The following HYDIN variants were observed in gnomAD, a reference collection of about 807,000 sequenced individuals.
The protein encoded by HYDIN is axonemal central pair apparatus protein HYDIN.
Under a neutral mutation model 403.9 loss-of-function variants are expected in HYDIN, and 132 were observed. The observed-to-expected ratio is 0.33, with a 90% CI of 0.28 to 0.38. The LOEUF is 0.38. Among genes scored for constraint, HYDIN ranks in the 10% least tolerant of loss-of-function variants. The pLI is 1.00. For missense variants in HYDIN, 2,827 were observed against 5,009.5 expected (o/e 0.56, Z 13.15); for synonymous variants, 1,202 against 1,891.7 (o/e 0.64, Z 9.46).
intron 10 of HYDIN, among the ~76,000 whole-genome samples, chr16:71,104,411 TAAAGG>T (rs2083552346): frequency 9.3e-6 from 1 of 107,932 alleles, no homozygotes; most frequent in South Asian, 3.5e-4. Flanking sequence ...AGGTTCAAAA[TAAAGG>T]AAAGAAAATA....
chr16:71,172,712 T>C (rs1223472881), intron 5 of HYDIN, among the ~76,000 whole-genome samples: 1 of 152,122 alleles, frequency 6.6e-6, no homozygotes, highest in East Asian at 1.9e-4. Flanking sequence ...GAAAATCCAA[T>C]TGAAAGAGGG....
intron 83 of HYDIN, among the ~76,000 whole-genome samples, chr16:70,824,767 C>T (rs1261658370): frequency 2.0e-5 from 3 of 151,828 alleles, no homozygotes; most frequent in Non-Finnish European, 4.4e-5. Context: ...GGCTCACTTA[C>T]TTATTTTTTA....
In HYDIN at chr16:70,907,474, C is replaced by T. The variant is rs200593817; in HGVS notation, c.8414G>A (p.Arg2805Gln). Residue 2805 changes from arginine to glutamine, a missense_variant, in exon 50 of 86, where the codon CGG (arginine) becomes CAG (glutamine). Arg to Gln is a conservative substitution (Grantham distance 43). Transcript: ENST00000393567. ...CTCATTTGTCTTCATGTCCATCTTC[C>T]GCTGAGGAAATACCACTCTGAACAC... ...CQDPKVVFPQ[R>Q]KMDMKTNEVI... 62 of 586,006 alleles carry T rather than the reference C, an allele frequency of 1.1e-4. No homozygotes were observed. The Admixed American group carries it at 1.2e-3, about 11-fold the overall frequency. The allele number at this position is 586,006 out of a possible 1,614,324, so 36.3% of individuals were successfully genotyped here.
Position 70,918,363 on chromosome 16 carries a change from C to T in HYDIN, c.7852G>A (p.Val2618Ile), listed in dbSNP as rs199902409. 4.4e-4 allele frequency: 343 copies of T among 779,286 alleles called. 2 individuals are homozygous for T. The highest frequency in any genetic ancestry group is 3.8e-4 in the Middle Eastern group (1 of 2,610). 48.3% of individuals were successfully genotyped at this position (779,286 alleles called of 1,614,324 possible). A position where few individuals can be genotyped will look rare whatever the true frequency, so the allele number is the denominator to read the frequency against. ...PIPPPALFSI[V>I]SYPVKRPPLT... ...GGTGGCCGCTTCACCGGGTAGGAGA[C>T]GATTGAGAATAAGGCGGGAGGCGGG... The change falls in exon 47 of 86, where the codon GTC (valine) becomes ATC (isoleucine). Residue 2618 changes from valine (V) to isoleucine (I), a missense_variant. Coordinates refer to ENST00000393567, the MANE Select transcript of HYDIN (RefSeq NM_001270974.2).
intron 18 of HYDIN, among the ~76,000 whole-genome samples, chr16:71,050,070 TG>T (rs1216551544): frequency 4.7e-5 from 7 of 148,152 alleles, no homozygotes; most frequent in African/African-American, 1.7e-4. Context: ...GTTTTCTTAA[TG>T]AAGGTAACAG....
At chr16:71,077,517 T>C (rs2082655395) in intron 13 of HYDIN, among the ~76,000 whole-genome samples, 3 of 152,192 alleles carry the variant, frequency 2.0e-5, no homozygotes, top group South Asian at 4.1e-4. Context: ...ACAGTTTTTC[T>C]AGGTAGAGAA....
intron 1 of HYDIN, among the ~76,000 whole-genome samples, chr16:71,188,179 G>A (rs973856207): frequency 2.0e-5 from 3 of 150,608 alleles, no homozygotes; most frequent in Admixed American, 6.6e-5. Context: ...TTTTCCCCCC[G>A]CCCTAGGTTT....
rs187597311 is a variant in HYDIN, at chr16:70,824,944, G to A, written c.14427+2317C>T. Among the ~76,000 whole-genome samples, 57 of 151,740 alleles carry A rather than the reference G, an allele frequency of 3.8e-4. No individual in the cohort carries two copies. The East Asian group carries it at 8.9e-3, about 24-fold the overall frequency. The stretch of plus-strand genomic sequence containing the variant: ...AGCTCACTGCAACCTCAATCTCCTG[G>A]GCTCAATCAGTCCTCCTACCTCAGC... On this transcript the variant is annotated intron_variant, in intron 83 of 85. Transcript: ENST00000393567.
intron 12 of HYDIN, among the ~76,000 whole-genome samples, chr16:71,083,867 T>C (rs1278740368): frequency 2.4e-4 from 30 of 124,342 alleles, no homozygotes; most frequent in African/African-American, 9.4e-4. Flanking sequence ...TCAGATCAAC[T>C]GCCACAGTAT....
chr16:71,021,403 G>C, intron 21 of HYDIN, among the ~76,000 whole-genome samples: 1 of 151,826 alleles, frequency 6.6e-6, no homozygotes, highest in Non-Finnish European at 1.5e-5. Context: ...TTTTTGTAGA[G>C]ATGGGGTTTC....
chr16:71,031,241 A>G (rs2080898031), intron 19 of HYDIN, among the ~76,000 whole-genome samples: 1 of 146,168 alleles, frequency 6.8e-6, no homozygotes, highest in Non-Finnish European at 1.5e-5. Context: ...TGGCTCTGCA[A>G]TAGCTGATAA....
At position 70,824,887 on chromosome 16, in the gene HYDIN, G is replaced by A. The variant is rs545397932; in HGVS notation, c.14427+2374C>T. On this transcript the variant is annotated intron_variant, in intron 83 of 85. Transcript: ENST00000393567. ...TTTTTTTGAGACACAGTTTTGTTCT[G>A]TTGTCCAGGTGGAGTGCAGTGGTGT... Among the ~76,000 whole-genome samples the A allele has an allele frequency of 2.9e-3, 431 of 150,742 alleles. 5 individuals are homozygous for A. The highest frequency in any genetic ancestry group is 9.9e-3 in the African/African-American group (407 of 40,990).
In HYDIN at chr16:71,186,875, C is replaced by T. The variant is rs1273493390; in HGVS notation, c.21G>A (p.Glu7=). The change falls in exon 2 of 86, where the codon GAG becomes GAA. Residue 7 remains glutamate (E), a synonymous_variant. Transcript: ENST00000393567. ...CCATCTGAACAGCCCCCATGGACTCCTCAAGTCTTCTACTTGTCATTTTTA... is the reference window on the plus strand; with the variant it reads ...CCATCTGAACAGCCCCCATGGACTCTTCAAGTCTTCTACTTGTCATTTTTA... MTSRRL[E]ESMGAVQMGL... is the part of the protein sequence containing the mutation. 2.5e-6 allele frequency: 4 copies of T among 1,611,398 alleles called. No individual in the cohort carries two copies. The African/African-American group carries it at 5.3e-5, about 22-fold the overall frequency.
chr16:70,915,026 A>G (rs552275178), intron 47 of HYDIN, among the ~76,000 whole-genome samples: 4 of 151,170 alleles, frequency 2.6e-5, no homozygotes, highest in Non-Finnish European at 1.5e-5. Context: ...TTCATTGAAT[A>G]TTTCTCCCTT....
At chr16:71,043,561 A>G (rs2081353968) in intron 18 of HYDIN, among the ~76,000 whole-genome samples, 2 of 151,098 alleles carry the variant, frequency 1.3e-5, no homozygotes, top group African/African-American at 4.9e-5. Flanking sequence ...TATTTTTAGT[A>G]TCTATGAGCT....
At chr16:70,947,516 C>G (rs1292208674) in intron 41 of HYDIN, among the ~76,000 whole-genome samples, 3 of 151,166 alleles carry the variant, frequency 2.0e-5, no homozygotes, top group Non-Finnish European at 4.4e-5. Flanking sequence ...TTGGTTGTGT[C>G]TCTGCCCGGC....
intron 23 of HYDIN, among the ~76,000 whole-genome samples, chr16:70,993,799 A>G (rs2079436087): frequency 6.6e-6 from 1 of 150,872 alleles, no homozygotes; most frequent in South Asian, 2.2e-4. Flanking sequence ...CCTGCATTGT[A>G]TGAGAGTTCT....
At position 71,079,880 on chromosome 16, in the gene HYDIN, C is replaced by T. The variant is rs1225231512; in HGVS notation, c.1738+5G>A. 1 of 1,527,278 alleles carries T rather than the reference C, an allele frequency of 6.5e-7. No individual in the cohort carries two copies. Among genetic ancestry groups the T allele is most frequent in the Non-Finnish European group, 9.1e-7 (1 of 1,103,190 alleles). The allele number at this position is 1,527,278 out of a possible 1,614,324, so 94.6% of individuals were successfully genotyped here. On this transcript the variant is annotated splice_donor_5th_base_variant and intron_variant, in intron 13 of 85. Transcript: ENST00000393567. ...ATTTCTAATTTAAAATGGAAAACTA[C>T]TCACCAAAGGAAACATCACCAAAGT...
intron 8 of HYDIN, chr16:71,132,008 TA>T (rs575258839): frequency 1.2e-3 from 174 of 149,986 alleles, no homozygotes; most frequent in African/African-American, 4.2e-3. Context: ...ACTTTTGTAA[TA>T]AAAAAGCAAA....
Sources: gnomAD v4.1 joint callset for allele counts (sites outside exome capture counted in the v4.1 genomes callset) on GRCh38, gnomAD v4.1.1 for gene constraint, MANE v1.5 for transcripts, NCBI Gene and HGNC (gene_info 2026-07-23, HGNC 2026-07-21) for gene names.